The following RBM6 variants were observed in gnomAD, a reference collection of about 807,000 sequenced individuals.
RBM6 encodes the protein RNA binding motif protein 6.
In RBM6, 23 loss-of-function variants were observed where a neutral mutation model predicts 140.4. The observed-to-expected ratio is 0.16, with a 90% CI of 0.12 to 0.23. The LOEUF is 0.23. Ranked by LOEUF, RBM6 falls within the 10% of genes least tolerant of loss-of-function variation. RBM6 has a pLI of 1.00. For synonymous variants in RBM6, 439 were observed against 475.6 expected (o/e 0.92, Z 1.00); for missense variants, 1,139 against 1,386.7 (o/e 0.82, Z 2.84).
At chr3:50,050,625 T>C (rs2089428245) in intron 7 of RBM6, among the ~76,000 whole-genome samples, 1 of 152,194 alleles carries the variant, frequency 6.6e-6, no homozygotes, top group Non-Finnish European at 1.5e-5. Context: ...CATCAAACTG[T>C]ATTTCTTTTA....
rs531017700 is a variant in RBM6, at chr3:49,968,282, C to A, written c.857C>A (p.Pro286His). 5 of 1,613,968 alleles carry A rather than the reference C, an allele frequency of 3.1e-6. No homozygotes were observed. The South Asian group carries it at 5.5e-5, about 18-fold the overall frequency. The change falls in exon 3 of 21, where the codon CCC (proline) becomes CAC (histidine). Residue 286 changes from proline to histidine, a missense_variant. Around this residue, in one of 9 missense-constraint regions of RBM6, gnomAD observed 566 missense variants for 612.7 expected, o/e 0.92. Coordinates refer to ENST00000266022, the MANE Select transcript of RBM6 (RefSeq NM_005777.3). ...SCMEFKDREM[P>H]PVDPNILDYI... ...ATGGAATTTAAAGATAGGGAGATGC[C>A]CCCTGTGGATCCAAATATTTTGGAT...
At chr3:49,951,911 C>T (rs144942836) in intron 1 of RBM6, among the ~76,000 whole-genome samples, 29 of 152,096 alleles carry the variant, frequency 1.9e-4, no homozygotes, top group African/African-American at 5.3e-4. Context: ...TTAGTAGAGA[C>T]GGGGTTTCAC....
chr3:49,996,744 A>T (rs1436156095), intron 5 of RBM6, among the ~76,000 whole-genome samples: 2 of 152,226 alleles, frequency 1.3e-5, no homozygotes, highest in Non-Finnish European at 2.9e-5. Flanking sequence ...TAACAGGGGC[A>T]TAGATGTATG....
intron 2 of RBM6, among the ~76,000 whole-genome samples, chr3:49,964,602 G>T (rs1486955511): frequency 6.6e-6 from 1 of 152,126 alleles, no homozygotes; most frequent in Non-Finnish European, 1.5e-5. Flanking sequence ...CACAAAATCC[G>T]ATATGTTTAC....
chr3:50,015,352 C>T (rs992443807), intron 6 of RBM6, among the ~76,000 whole-genome samples: 6 of 150,914 alleles, frequency 4.0e-5, no homozygotes, highest in South Asian at 2.1e-4. Context: ...ATGGTCTGCC[C>T]GCCTCAGCCT....
intron 7 of RBM6, among the ~76,000 whole-genome samples, chr3:50,049,171 C>T (rs374040385): frequency 2.5e-4 from 37 of 150,136 alleles, no homozygotes; most frequent in Admixed American, 4.7e-4. Context: ...TGCAGTGGCG[C>T]GATCTCAGCT....
chr3:49,997,263 T>A, intron 5 of RBM6, among the ~76,000 whole-genome samples: 1 of 152,168 alleles, frequency 6.6e-6, no homozygotes, highest in Non-Finnish European at 1.5e-5. Flanking sequence ...AGTGTTGGGC[T>A]TGTGAATATA....
intron 6 of RBM6, among the ~76,000 whole-genome samples, chr3:50,019,208 G>A (rs1314082119): frequency 6.6e-6 from 1 of 151,464 alleles, no homozygotes; most frequent in Non-Finnish European, 1.5e-5. Flanking sequence ...GCTAATTTTT[G>A]TATTTTTAGT....
intron 1 of RBM6, among the ~76,000 whole-genome samples, chr3:49,944,883 A>AT (rs199673488): frequency 0.15 from 21,662 of 142,914 alleles, 1,687 homozygotes; most frequent in Non-Finnish European, 0.17. Context: ...TTTTTTTTAA[A>AT]TTTTTTTTTT....
intron 5 of RBM6, among the ~76,000 whole-genome samples, chr3:49,980,530 C>A (rs2085260221): frequency 6.6e-6 from 1 of 151,672 alleles, no homozygotes; most frequent in Admixed American, 6.6e-5. Context: ...GAGGCCAAGG[C>A]AGGTAGATCA....
At chr3:50,019,576 A>G (rs1575710608) in intron 6 of RBM6, among the ~76,000 whole-genome samples, 1 of 151,972 alleles carries the variant, frequency 6.6e-6, no homozygotes, top group East Asian at 1.9e-4. Context: ...ACTGGTCTCC[A>G]GCTCTTGGGC....
At chr3:50,049,127 GAGACAGAGTCTTGCT>G (rs1055974849) in intron 7 of RBM6, among the ~76,000 whole-genome samples, 1 of 151,316 alleles carries the variant, frequency 6.6e-6, no homozygotes, top group African/African-American at 2.4e-5. Context: ...TATTTATTTT[GAGACAGAGTCTTGCT>G]CTGTCGCCCA....
At position 50,038,078 on chromosome 3, in the gene RBM6, T is replaced by C. The variant is rs191506216; in HGVS notation, c.1558-10167T>C. On this transcript the variant is annotated intron_variant, in intron 6 of 20. Transcript: ENST00000266022. ...CTCAGGTGATCCACCCGCCTCAGCCTCCCAAAGTGCTGGGATTACAGGTGT... is the reference window on the plus strand; with the variant it reads ...CTCAGGTGATCCACCCGCCTCAGCCCCCCAAAGTGCTGGGATTACAGGTGT... 7.0e-3 allele frequency among the ~76,000 whole-genome samples: 1,066 copies of C among 152,216 alleles called. 15 individuals carry two copies. Among genetic ancestry groups the C allele is most frequent in the African/African-American group, 0.024 (1,015 of 41,534 alleles).
intron 17 of RBM6, among the ~76,000 whole-genome samples, chr3:50,066,879 A>G (rs1482063988): frequency 6.7e-6 from 1 of 149,818 alleles, no homozygotes; most frequent in Non-Finnish European, 1.5e-5. Context: ...GATGGGGATT[A>G]TGGGGAATAA....
intron 1 of RBM6, 143 bp from the exon 2 acceptor site, chr3:49,962,431 CAA>C (rs201474763): frequency 1.3e-3 from 535 of 426,618 alleles, no homozygotes; most frequent in South Asian, 1.8e-3. Context: ...GACTCCATCT[CAA>C]AAAAAAAAAA....
At chr3:50,038,068 C>T (rs934512069) in intron 6 of RBM6, among the ~76,000 whole-genome samples, 2 of 151,928 alleles carry the variant, frequency 1.3e-5, no homozygotes, top group African/African-American at 4.8e-5. Context: ...GTGATCCACC[C>T]GCCTCAGCCT....
chr3:50,011,421 A>G (rs1026812622), intron 6 of RBM6, among the ~76,000 whole-genome samples: 1 of 152,176 alleles, frequency 6.6e-6, no homozygotes, highest in African/African-American at 2.4e-5. Flanking sequence ...GACTATTTTG[A>G]AGTAGACCGA....
At chr3:49,945,175 A>AGTT (rs1262007745) in intron 1 of RBM6, among the ~76,000 whole-genome samples, 1 of 106,704 alleles carries the variant, frequency 9.4e-6, no homozygotes, top group Admixed American at 9.3e-5. Context: ...GCGCCCGGCC[A>AGTT]ATTTTTTTTT....
chr3:49,949,796 C>G (rs923872224), intron 1 of RBM6, among the ~76,000 whole-genome samples: 2 of 152,078 alleles, frequency 1.3e-5, no homozygotes, highest in African/African-American at 4.8e-5. Context: ...CCTGAGCTAC[C>G]ACGCCCAGCC....
Sources: allele counts gnomAD v4.1 joint callset (sites outside exome capture counted in the v4.1 genomes callset), GRCh38; gene constraint gnomAD v4.1.1; regional missense constraint gnomAD v4.1.1; transcripts MANE v1.5; gene names NCBI Gene and HGNC (gene_info 2026-07-23, HGNC 2026-07-21).